Variants in PCCB observed in about 807,000 individuals in gnomAD.
PCCB encodes propionyl-CoA carboxylase beta chain, mitochondrial.
In PCCB, 43 loss-of-function variants were observed where a neutral mutation model predicts 60.7. The ratio of observed to expected loss-of-function variants is 0.71; its 90% confidence interval spans 0.55 to 0.91. PCCB has a LOEUF of 0.91. PCCB is among the 40% of genes least tolerant of loss of function. PCCB has a pLI of 0.00. For synonymous variants in PCCB, 276 were observed against 255.9 expected, an observed-to-expected ratio of 1.08 and a Z score of -0.75; for missense variants, 766 against 702.8, an observed-to-expected ratio of 1.09 and a Z score of -1.02.
At chr3:136,252,510 G>A (rs1941545446) in intron 1 of PCCB, 1 of 332,574 alleles carries the variant, frequency 3.0e-6, no homozygotes, top group African/African-American at 2.2e-5. Context: ...GCCTCCCAAA[G>A]TGCTGGGATG....
At chr3:136,316,920 G>A (rs1934917398) in intron 9 of PCCB, 21 bp from the exon 10 acceptor site, 1 of 1,613,674 alleles carries the variant, frequency 6.2e-7, no homozygotes, top group Admixed American at 1.7e-5. Context: ...TTTGAGCTCA[G>A]AAGTAAATTT....
At chr3:136,268,704 T>G (rs1213789058) in intron 5 of PCCB, among the ~76,000 whole-genome samples, 1 of 151,906 alleles carries the variant, frequency 6.6e-6, no homozygotes, top group Non-Finnish European at 1.5e-5. Context: ...TCTCAGGTGA[T>G]CCACCCGCCT....
intron 6 of PCCB, 139 bp from the exon 7 acceptor site, chr3:136,293,617 G>C (rs550600027): frequency 2.7e-6 from 2 of 732,136 alleles, no homozygotes; most frequent in East Asian, 2.5e-5. Context: ...GTTTGGAGTC[G>C]TATCTTTAAG....
chr3:136,263,420 C>T (rs1202379377), intron 5 of PCCB, among the ~76,000 whole-genome samples: 2 of 151,922 alleles, frequency 1.3e-5, no homozygotes, highest in African/African-American at 2.4e-5. Context: ...CATGCACCAC[C>T]ACATCCGGTG....
chr3:136,297,899 C>A, intron 7 of PCCB, 53 bp from the exon 8 acceptor site: 1 of 1,612,918 alleles, frequency 6.2e-7, no homozygotes, highest in African/African-American at 1.3e-5. Context: ...GAAGCAGCAA[C>A]TTTGGGCTGG....
chr3:136,323,526 G>C (rs1345133460), intron 10 of PCCB, among the ~76,000 whole-genome samples: 2 of 152,144 alleles, frequency 1.3e-5, no homozygotes, highest in African/African-American at 2.4e-5. Flanking sequence ...GCTCCTGCCT[G>C]TAATCCCAGC....
chr3:136,312,358 G>A lies in PCCB; in HGVS notation c.967-4583G>A, dbSNP rs115202124. On this transcript the variant is annotated intron_variant, in intron 9 of 14. Transcript: ENST00000251654. ...CACTGTATGCAGTTGTAACACAATG[G>A]TAAGTATGTATCTAAACATAAAAAG... 6.7e-3 allele frequency among the ~76,000 whole-genome samples: 1,015 copies of A among 152,250 alleles called. 14 individuals are homozygous for A. The highest frequency in any genetic ancestry group is 5.6e-3 in the Non-Finnish European group (379 of 68,020).
At chr3:136,272,595 G>A (rs565986273) in intron 5 of PCCB, among the ~76,000 whole-genome samples, 1 of 152,088 alleles carries the variant, frequency 6.6e-6, no homozygotes, top group East Asian at 1.9e-4. Flanking sequence ...ATGTTTCCAC[G>A]AGTTTATCCA....
At chr3:136,321,883 G>T (rs147253037) in intron 10 of PCCB, among the ~76,000 whole-genome samples, 6 of 152,084 alleles carry the variant, frequency 3.9e-5, no homozygotes, top group Non-Finnish European at 8.8e-5. Flanking sequence ...TTATTTTTTG[G>T]TCACTTCTTT....
intron 1 of PCCB, 44 bp from the exon 2 acceptor site, chr3:136,255,812 A>G (rs771402832): frequency 2.2e-5 from 35 of 1,567,230 alleles, no homozygotes; most frequent in Non-Finnish European, 2.9e-5. Flanking sequence ...TGCTTACTAA[A>G]TTGTCTGTGA....
chr3:136,326,487 C>G, intron 10 of PCCB: 1 of 677,896 alleles, frequency 1.5e-6, no homozygotes, highest in Admixed American at 2.2e-5. Flanking sequence ...CTCTCTAAGA[C>G]CAGCCCTTGA....
intron 6 of PCCB, among the ~76,000 whole-genome samples, chr3:136,286,547 C>T (rs1933419049): frequency 6.6e-6 from 1 of 152,220 alleles, no homozygotes; most frequent in Non-Finnish European, 1.5e-5. Flanking sequence ...AGCTTTGACA[C>T]TGCCTTGACT....
At chr3:136,285,646 A>G (rs1933367506) in intron 6 of PCCB, among the ~76,000 whole-genome samples, 1 of 151,886 alleles carries the variant, frequency 6.6e-6, no homozygotes, top group Non-Finnish European at 1.5e-5. Context: ...CTTGGCTTCC[A>G]TTATACCATA....
chr3:136,284,675 A>T (rs2108183407), intron 6 of PCCB, among the ~76,000 whole-genome samples: 1 of 152,324 alleles, frequency 6.6e-6, no homozygotes, highest in South Asian at 2.1e-4. Context: ...AAGGGAAGTT[A>T]GGCAGTAGGA....
chr3:136,280,944 G>A (rs142643622), intron 5 of PCCB, among the ~76,000 whole-genome samples: 112 of 152,282 alleles, frequency 7.4e-4, no homozygotes, highest in African/African-American at 2.4e-3. Flanking sequence ...GTGAGCCAGC[G>A]CACCTGACTT....
intron 9 of PCCB, among the ~76,000 whole-genome samples, chr3:136,311,172 T>C (rs954483500): frequency 5.9e-5 from 9 of 152,148 alleles, no homozygotes; most frequent in African/African-American, 2.2e-4. Context: ...AAGAAAACTC[T>C]AGAGAATGCA....
At chr3:136,269,019 G>A (rs977544569) in intron 5 of PCCB, among the ~76,000 whole-genome samples, 14 of 152,096 alleles carry the variant, frequency 9.2e-5, no homozygotes, top group African/African-American at 3.4e-4. Flanking sequence ...AGTGGCTCAC[G>A]CCTGTAATCC....
At chr3:136,262,931 A>G (rs1941863646) in intron 5 of PCCB, among the ~76,000 whole-genome samples, 1 of 150,652 alleles carries the variant, frequency 6.6e-6, no homozygotes, top group African/African-American at 2.4e-5. Flanking sequence ...CTAGTTGAAT[A>G]CATCTTTATG....
intron 9 of PCCB, among the ~76,000 whole-genome samples, chr3:136,316,055 C>T (rs1462606633): frequency 6.6e-6 from 1 of 151,670 alleles, no homozygotes; most frequent in African/African-American, 2.4e-5. Flanking sequence ...CTCATCTCTA[C>T]TAAAAATTAA....
Sources: gnomAD v4.1 joint callset for allele counts (sites outside exome capture counted in the v4.1 genomes callset) on GRCh38, gnomAD v4.1.1 for gene constraint, MANE v1.5 for transcripts, NCBI Gene and HGNC (gene_info 2026-07-23, HGNC 2026-07-21) for gene names.